OR5V1: variants seen among roughly 807,000 people sequenced by gnomAD.
The protein encoded by OR5V1 is olfactory receptor 5V1.
For missense variants in OR5V1, 365 were observed against 371.5 expected, an observed-to-expected ratio of 0.98 and a Z score of 0.14; for synonymous variants, 134 against 143.2, an observed-to-expected ratio of 0.94 and a Z score of 0.46.
At chr6:29,360,074 G>A (rs1214986408) in intron 1 of OR5V1, among the ~76,000 whole-genome samples, 1 of 152,214 alleles carries the variant, frequency 6.6e-6, no homozygotes, top group Non-Finnish European at 1.5e-5. Context: ...GATCGAGCTT[G>A]TTGTGGGGAG....
Position 29,355,719 on chromosome 6 carries a change from A to G in OR5V1, c.477T>C (p.His159=), listed in dbSNP as rs1562924329. The part of the protein sequence containing the change: ...WAAGFLNSVV[H]TVLTFCLPFC... The stretch of plus-strand genomic sequence containing the variant: ...AGGGCAGGCAGAATGTCAACACTGT[A>G]TGCACCACTGAGTTAAGGAAACCAG... The change falls in exon 2 of 2, where the codon CAT becomes CAC. Residue 159 remains histidine, a synonymous_variant. Transcript: ENST00000641768. 1.2e-6 allele frequency: 2 copies of G among 1,614,036 alleles called. No individual in the cohort carries two copies. Among genetic ancestry groups the G allele is most frequent in the Non-Finnish European group, 1.7e-6 (2 of 1,179,944 alleles).
chr6:29,363,809 C>T (rs1012795458), intron 1 of OR5V1, among the ~76,000 whole-genome samples: 2 of 151,594 alleles, frequency 1.3e-5, no homozygotes, highest in East Asian at 1.9e-4. Flanking sequence ...TAAAAAAAGA[C>T]CTATTCACAA....
At position 29,364,565 on chromosome 6, in the gene OR5V1, G is replaced by A. The variant is rs370392745; in HGVS notation, c.-83+4067C>T. 1.5e-4 allele frequency among the ~76,000 whole-genome samples: 9 copies of A among 59,428 alleles called. 3 individuals carry two copies. Among genetic ancestry groups the A allele is most frequent in the African/African-American group, 1.3e-4 (3 of 22,408 alleles). The allele number at this position is 59,428 out of a possible 152,430, so 39.0% of individuals were successfully genotyped here. A position where few individuals can be genotyped will look rare whatever the true frequency, so the allele number is the denominator to read the frequency against. On this transcript the variant is annotated intron_variant, in intron 1 of 1. Coordinates refer to ENST00000641768, the MANE Select transcript of OR5V1 (RefSeq NM_030876.6). Reference sequence around the variant, plus strand: ...TGTAATCCCAGCACTTTGGGAGGCCGAGGCGGGCGGATCACGAGGTCAGGA... The same window carrying A: ...TGTAATCCCAGCACTTTGGGAGGCCAAGGCGGGCGGATCACGAGGTCAGGA...
chr6:29,364,241 T>C (rs570736884), intron 1 of OR5V1, among the ~76,000 whole-genome samples: 13 of 152,206 alleles, frequency 8.5e-5, no homozygotes, highest in Admixed American at 5.2e-4. Context: ...TTACAAGGGA[T>C]GTGATGGACC....
At chr6:29,365,330 GAAA>G (rs796868987) in intron 1 of OR5V1, among the ~76,000 whole-genome samples, 1 of 116,644 alleles carries the variant, frequency 8.6e-6, no homozygotes, top group Admixed American at 8.8e-5. Flanking sequence ...CTTCTGCATA[GAAA>G]AAAAAAAAAA....
Position 29,354,370 on chromosome 6 carries a change from A to T in OR5V1, c.*860T>A, listed in dbSNP as rs1027679926. 2.6e-5 allele frequency: 4 copies of T among 152,088 alleles called. No individual in the cohort carries two copies. Among genetic ancestry groups the T allele is most frequent in the Non-Finnish European group, 5.9e-5 (4 of 67,976 alleles). 9.4% of individuals were successfully genotyped at this position (152,088 alleles called of 1,614,324 possible). On this transcript the variant is annotated 3_prime_UTR_variant, in exon 2 of 2. Transcript: ENST00000641768. Reference sequence around the variant, plus strand: ...ATGGTAATAACACATAGAAAATAGTAATTAAGTACTTTTACTTTTAACATT... The same window carrying T: ...ATGGTAATAACACATAGAAAATAGTTATTAAGTACTTTTACTTTTAACATT...
In OR5V1 at chr6:29,354,036, C is replaced by T. The variant is rs1249412448; in HGVS notation, c.*1194G>A. The T allele has an allele frequency of 1.3e-5, 2 of 151,916 alleles. No homozygotes were observed. Among genetic ancestry groups the T allele is most frequent in the East Asian group, 3.9e-4 (2 of 5,190 alleles). 9.4% of individuals were successfully genotyped at this position (151,916 alleles called of 1,614,324 possible). On this transcript the variant is annotated 3_prime_UTR_variant, in exon 2 of 2. Coordinates refer to ENST00000641768, the MANE Select transcript of OR5V1 (RefSeq NM_030876.6). ...ACTAGAACACTATGACAACATTACA[C>T]AAAAGAGGGGCTGGGAAGTCAAGAC...
chr6:29,364,107 C>G (rs1778722925), intron 1 of OR5V1, among the ~76,000 whole-genome samples: 1 of 152,048 alleles, frequency 6.6e-6, no homozygotes, highest in South Asian at 2.1e-4. Flanking sequence ...TCTCAGGATA[C>G]AAAATCAATG....
chr6:29,367,892 G>C (rs926198078), intron 1 of OR5V1, among the ~76,000 whole-genome samples: 1 of 152,104 alleles, frequency 6.6e-6, no homozygotes, highest in African/African-American at 2.4e-5. Flanking sequence ...ACCGAAACTT[G>C]ATATAATACA....
rs1227405952 is a variant in OR5V1 at position 29,368,625 on chromosome 6, C to T, written c.-83+7G>A. 6.6e-6 allele frequency: 1 copy of T among 152,140 alleles called. No individual in the cohort carries two copies. Among genetic ancestry groups the T allele is most frequent in the Non-Finnish European group, 1.5e-5 (1 of 68,016 alleles). The allele number at this position is 152,140 out of a possible 1,614,324, so 9.4% of individuals were successfully genotyped here. A position where few individuals can be genotyped will look rare whatever the true frequency, so the allele number is the denominator to read the frequency against. ...AGTTAAGCAATTAAAAATACTTACT[C>T]ACTCACCTGTGATTGGAGATATTGA... On this transcript the variant is annotated splice_region_variant and intron_variant, in intron 1 of 1. Transcript: ENST00000641768.
intron 1 of OR5V1, among the ~76,000 whole-genome samples, chr6:29,368,350 C>A (rs1778960744): frequency 6.6e-6 from 1 of 152,132 alleles, no homozygotes; most frequent in Non-Finnish European, 1.5e-5. Context: ...AATACACTGT[C>A]CTTTATTTAA....
At chr6:29,362,596 C>G (rs1478310712) in intron 1 of OR5V1, among the ~76,000 whole-genome samples, 3 of 152,178 alleles carry the variant, frequency 2.0e-5, no homozygotes, top group South Asian at 2.1e-4. Flanking sequence ...TCTCTCAGAC[C>G]ACAGTGCAAT....
intron 1 of OR5V1, among the ~76,000 whole-genome samples, chr6:29,367,699 C>T (rs1778917949): frequency 6.6e-6 from 1 of 152,086 alleles, no homozygotes; most frequent in South Asian, 2.1e-4. Context: ...ATTTCCAAAT[C>T]TAGAACAACA....
Position 29,356,027 on chromosome 6 carries a change from T to TGG in OR5V1, c.168_169insCC (p.Thr57ProfsTer8). On this transcript the variant is annotated frameshift_variant, in exon 2 of 2. Coordinates refer to ENST00000641768, the MANE Select transcript of OR5V1 (RefSeq NM_030876.6). LOFTEE classifies it low-confidence loss of function (END_TRUNC). ...TTCCCTAGAAAATAATACATAGGTGTATGCAGGTGTGGATCAGTCACAGTC... is the reference window on the plus strand; with the variant it reads ...TTCCCTAGAAAATAATACATAGGTGTGGATGCAGGTGTGGATCAGTCACAGTC... The TGG allele has an allele frequency of 6.2e-7, 1 of 1,614,054 alleles. No individual in the cohort carries two copies. Among genetic ancestry groups the TGG allele is most frequent in the Non-Finnish European group, 8.5e-7 (1 of 1,179,962 alleles).
At position 29,355,016 on chromosome 6, in the gene OR5V1, T is replaced by G. The variant is rs1778184029; in HGVS notation, c.*214A>C. 7.3e-6 allele frequency: 3 copies of G among 412,432 alleles called. No homozygotes were observed. Among genetic ancestry groups the G allele is most frequent in the East Asian group, 3.6e-5 (1 of 27,916 alleles). The allele number at this position is 412,432 out of a possible 1,614,324, so 25.5% of individuals were successfully genotyped here. The stretch of plus-strand genomic sequence containing the variant: ...AGTCTTTGAATGCAAAATTCAGGAA[T>G]GGAAAAATAAATAAGAAGATAATAT... On this transcript the variant is annotated 3_prime_UTR_variant, in exon 2 of 2. Transcript: ENST00000641768.
intron 1 of OR5V1, among the ~76,000 whole-genome samples, chr6:29,365,412 A>G (rs1393307098): frequency 6.6e-6 from 1 of 152,160 alleles, no homozygotes; most frequent in East Asian, 1.9e-4. Context: ...CCATCTGGCA[A>G]AGGTCTAATA....
intron 1 of OR5V1, among the ~76,000 whole-genome samples, chr6:29,357,997 A>G (rs112923944): frequency 2.0e-5 from 3 of 152,326 alleles, no homozygotes; most frequent in African/African-American, 7.2e-5. Context: ...ATGCATTTCA[A>G]TGTCAAGTTT....
chr6:29,358,125 T>C (rs1342655362), intron 1 of OR5V1, among the ~76,000 whole-genome samples: 1 of 152,148 alleles, frequency 6.6e-6, no homozygotes, highest in Non-Finnish European at 1.5e-5. Flanking sequence ...ATATAGTATT[T>C]CACATTACCA....
intron 1 of OR5V1, among the ~76,000 whole-genome samples, chr6:29,358,044 G>C (rs1440450600): frequency 6.6e-6 from 1 of 152,118 alleles, no homozygotes; most frequent in Admixed American, 6.5e-5. Flanking sequence ...TGTAATTGCT[G>C]TCTTCTTTCC....
Sources: gnomAD v4.1 joint callset for allele counts (sites outside exome capture counted in the v4.1 genomes callset) on GRCh38, gnomAD v4.1.1 for gene constraint, MANE v1.5 for transcripts, NCBI Gene and HGNC (gene_info 2026-07-23, HGNC 2026-07-21) for gene names.